The following CREBBP variants were observed in gnomAD, a reference collection of about 807,000 sequenced individuals.
CREBBP encodes CREB binding lysine acetyltransferase.
CREBBP carries 19 observed loss-of-function variants against 265.0 expected under a neutral mutation model. The observed-to-expected ratio is 0.07, with a 90% CI of 0.05 to 0.11. CREBBP has a LOEUF of 0.11. CREBBP is among the 10% of genes least tolerant of loss of function. The pLI is 1.00. For missense variants in CREBBP, 2,525 were observed against 3,219.0 expected (o/e 0.78, Z 5.22); for synonymous variants, 1,457 against 1,223.7 (o/e 1.19, Z -3.98).
intron 23 of CREBBP, chr16:3,741,901 C>T (rs569831905): frequency 1.3e-5 from 2 of 152,192 alleles, no homozygotes; most frequent in Admixed American, 6.6e-5. Context: ...CGGTGAAACC[C>T]CATCTCTACT....
chr16:3,777,915 G>T, intron 10 of CREBBP, 96 bp downstream of exon 10: 1 of 1,421,124 alleles, frequency 7.0e-7, no homozygotes, highest in Non-Finnish European at 9.9e-7. Flanking sequence ...GCATGCATCA[G>T]ATATTCTAAT....
Position 3,782,917 on chromosome 16 carries a change from C to A in CREBBP, c.1340G>T (p.Gly447Val), listed in dbSNP as rs757683245. ...SDKRNQQTIL[G>V]SPASGIQNTI... ...GTTTTGAATTCCACTAGCTGGAGAC[C>A]CCAGGATGGCTATAACGACAAACAG... Residue 447 changes from glycine (G) to valine (V), a missense_variant, in exon 6 of 31, where the codon GGG becomes GTG. Transcript: ENST00000262367. 1.9e-6 allele frequency: 3 copies of A among 1,614,024 alleles called. No individual in the cohort carries two copies. Among genetic ancestry groups the A allele is most frequent in the Non-Finnish European group, 2.5e-6 (3 of 1,180,026 alleles).
At position 3,849,454 on chromosome 16, in the gene CREBBP, T is replaced by TGTGTG. The variant is rs1567360841; in HGVS notation, c.798+838_798+842dup. 1.9e-4 allele frequency among the ~76,000 whole-genome samples: 17 copies of TGTGTG among 90,322 alleles called. 1 individual carries two copies. The highest frequency in any genetic ancestry group is 4.1e-4 in the South Asian group (1 of 2,444). 59.3% of individuals were successfully genotyped at this position (90,322 alleles called of 152,430 possible). On this transcript the variant is annotated intron_variant, in intron 2 of 30. Coordinates refer to ENST00000262367, the MANE Select transcript of CREBBP (RefSeq NM_004380.3). ...GTGTGTGTGTGTGTGTGTGTGTGTG[T>TGTGTG]GTGTGTGTGTGTGTGTGTGTGTGTG...
chr16:3,806,295 C>T (rs140866728), intron 3 of CREBBP, among the ~76,000 whole-genome samples: 11 of 152,314 alleles, frequency 7.2e-5, no homozygotes, highest in African/African-American at 2.6e-4. Flanking sequence ...CGTAGATCAG[C>T]AGCTGCCGTG....
chr16:3,849,448 T>TGTGTGTGTGTGTGTGTG (rs2054769886), intron 2 of CREBBP, among the ~76,000 whole-genome samples: 1 of 50,360 alleles, frequency 2.0e-5, no homozygotes, highest in Non-Finnish European at 5.2e-5. Context: ...TGTGTGTGTG[T>TGTGTGTGTGTGTGTGTG]GTGTGTGTGT....
Position 3,731,448 on chromosome 16 carries a change from G to C in CREBBP, c.4916C>G (p.Ala1639Gly). 1 of 1,595,362 alleles carries C rather than the reference G, an allele frequency of 6.3e-7. No individual in the cohort carries two copies. Residue 1639 changes from alanine to glycine, a missense_variant, in exon 30 of 31, where the codon GCT becomes GGT. Ala to Gly is a moderately conservative substitution (Grantham distance 60). This residue lies in a region of CREBBP where 37 missense variants were observed against 34.1 expected (regional missense o/e 1.09). Coordinates refer to ENST00000262367, the MANE Select transcript of CREBBP (RefSeq NM_004380.3). The surrounding 1 kb of genome is among the most constrained non-coding windows in gnomAD (Gnocchi z 7.7). ...GGGCAGGGTGTTGATGACAGGCCCA[G>C]CGTGCAGGTGGATCACGAAGAAGAC... ...KEVFFVIHLH[A>G]GPVINTLPPI...
At chr16:3,811,768 A>C (rs2141350327) in intron 2 of CREBBP, among the ~76,000 whole-genome samples, 1 of 152,314 alleles carries the variant, frequency 6.6e-6, no homozygotes, top group Admixed American at 6.5e-5. Flanking sequence ...TGCTCGGATT[A>C]CAGGCATGAG....
chr16:3,778,657 T>C (rs781562408), intron 9 of CREBBP, 43 bp downstream of exon 9: 1 of 1,423,222 alleles, frequency 7.0e-7, no homozygotes, highest in Non-Finnish European at 9.9e-7. Flanking sequence ...TGCTGTCTAC[T>C]ACAGATGCTG....
At chr16:3,811,983 G>A (rs1212357380) in intron 2 of CREBBP, among the ~76,000 whole-genome samples, 8 of 151,898 alleles carry the variant, frequency 5.3e-5, no homozygotes, top group African/African-American at 9.7e-5. Context: ...GCAGATTTTC[G>A]ACTGGCAGGG....
At chr16:3,849,378 C>T (rs374270626) in intron 2 of CREBBP, among the ~76,000 whole-genome samples, 73 of 103,920 alleles carry the variant, frequency 7.0e-4, no homozygotes, top group African/African-American at 2.9e-3. Flanking sequence ...AGCTCTTGGC[C>T]GTGTGTGTGT....
intron 13 of CREBBP, among the ~76,000 whole-genome samples, chr16:3,772,915 CAAAAAA>C (rs144154476): frequency 6.4e-4 from 57 of 88,810 alleles, no homozygotes; most frequent in African/African-American, 2.1e-3. Context: ...ACTAAAAATA[CAAAAAA>C]AAAAAAAAAA....
At chr16:3,794,049 C>A (rs1702326555) in intron 3 of CREBBP, among the ~76,000 whole-genome samples, 3 of 152,154 alleles carry the variant, frequency 2.0e-5, no homozygotes, top group South Asian at 4.1e-4. Context: ...AAGGCCTGGC[C>A]GAGCGCGTTG....
chr16:3,771,073 A>G (rs1250925292), intron 13 of CREBBP, 87 bp from the exon 14 acceptor site: 29 of 1,542,134 alleles, frequency 1.9e-5, no homozygotes, highest in Non-Finnish European at 2.4e-5. Flanking sequence ...GTATGAAAAA[A>G]AAATTTTTTT....
intron 2 of CREBBP, among the ~76,000 whole-genome samples, chr16:3,842,151 A>T (rs572611116): frequency 5.9e-5 from 9 of 152,368 alleles, no homozygotes; most frequent in African/African-American, 2.2e-4. Context: ...ATGGATTACC[A>T]TACAAACTAT....
At chr16:3,865,451 G>A (rs886434699) in intron 1 of CREBBP, among the ~76,000 whole-genome samples, 1 of 152,122 alleles carries the variant, frequency 6.6e-6, no homozygotes, top group African/African-American at 2.4e-5. Context: ...GAAGAAAAAG[G>A]CAGGAAGGGG....
At chr16:3,835,648 C>T (rs993044479) in intron 2 of CREBBP, among the ~76,000 whole-genome samples, 13 of 140,524 alleles carry the variant, frequency 9.3e-5, no homozygotes, top group African/African-American at 3.6e-4. Context: ...AGTGGGATCT[C>T]GGGTCACTGC....
At chr16:3,792,132 C>A in intron 4 of CREBBP, 38 bp from the exon 5 acceptor site, 1 of 1,492,976 alleles carries the variant, frequency 6.7e-7, no homozygotes, top group Non-Finnish European at 9.3e-7. Flanking sequence ...ATTTTTCTAT[C>A]CAAATCGTCA....
chr16:3,870,315 C>G (rs1026236304), intron 1 of CREBBP, among the ~76,000 whole-genome samples: 5 of 152,214 alleles, frequency 3.3e-5, no homozygotes, highest in African/African-American at 9.7e-5. Flanking sequence ...TTGAGTTTCA[C>G]TGGTATTCCT....
In CREBBP at chr16:3,760,873, A is replaced by C. The variant is rs555079558; in HGVS notation, c.3251-1901T>G. 3.9e-5 allele frequency among the ~76,000 whole-genome samples: 6 copies of C among 152,262 alleles called. No homozygotes were observed. The South Asian group carries it at 1.2e-3, about 32-fold the overall frequency. ...GGCTGGTATTGAACTCTCGGCCTCAAGTGATTCTCCTGCCTCAGCCTCTCA... is the reference window on the plus strand; with the variant it reads ...GGCTGGTATTGAACTCTCGGCCTCACGTGATTCTCCTGCCTCAGCCTCTCA... On this transcript the variant is annotated intron_variant, in intron 16 of 30. Coordinates refer to ENST00000262367, the MANE Select transcript of CREBBP (RefSeq NM_004380.3).
Sources: allele counts gnomAD v4.1 joint callset (sites outside exome capture counted in the v4.1 genomes callset), GRCh38; gene constraint gnomAD v4.1.1; regional missense constraint gnomAD v4.1.1; non-coding constraint Gnocchi (gnomAD v3.1); transcripts MANE v1.5; gene names NCBI Gene and HGNC (gene_info 2026-07-23, HGNC 2026-07-21).